ROBO2: variants seen among roughly 807,000 people sequenced by gnomAD.
The protein encoded by ROBO2 is roundabout homolog 2.
ROBO2 carries 53 observed loss-of-function variants against 160.8 expected under a neutral mutation model. The ratio of observed to expected loss-of-function variants is 0.33; its 90% CI spans 0.26 to 0.41. The LOEUF (loss-of-function observed/expected upper bound fraction) is 0.41, where lower values mean the gene tolerates loss of function less well. ROBO2 is among the 10% of genes least tolerant of loss of function. The pLI is 1.00. For synonymous variants in ROBO2, 664 were observed against 611.7 expected (o/e 1.09, Z -1.26); for missense variants, 1,577 against 1,722.4 (o/e 0.92, Z 1.49).
intron 2 of ROBO2, among the ~76,000 whole-genome samples, chr3:76,895,802 TAGA>T (rs2074722675): frequency 6.6e-6 from 1 of 152,244 alleles, no homozygotes; most frequent in African/African-American, 2.4e-5. Flanking sequence ...TTTTCTACTT[TAGA>T]ATAAGACATT....
Position 76,575,912 on chromosome 3 carries a change from A to AT in ROBO2, c.110-522094dup, listed in dbSNP as rs5850266. ...CTCATTTTGCTTAGAATATGCTATC[A>AT]TTTTTTTTAGAGTAAGGTGCTCTCA... is the stretch of plus-strand genomic sequence containing the variant. On this transcript the variant is annotated intron_variant, in intron 2 of 26. Transcript: ENST00000487694. 1.8e-3 allele frequency among the ~76,000 whole-genome samples: 266 copies of AT among 151,760 alleles called. 2 individuals are homozygous for AT. The highest frequency in any genetic ancestry group is 3.2e-3 in the Non-Finnish European group (219 of 67,902).
chr3:77,183,786 A>G (rs1405535926), intron 2 of ROBO2, among the ~76,000 whole-genome samples: 1 of 152,068 alleles, frequency 6.6e-6, no homozygotes, highest in Non-Finnish European at 1.5e-5. Context: ...TCTTGTGAAC[A>G]TCATACAGAT....
chr3:77,397,413 C>G (rs1001673779), intron 2 of ROBO2, among the ~76,000 whole-genome samples: 8 of 152,124 alleles, frequency 5.3e-5, no homozygotes, highest in Non-Finnish European at 1.0e-4. Context: ...GAAATGCATC[C>G]TCTAGAACAA....
intron 2 of ROBO2, among the ~76,000 whole-genome samples, chr3:76,940,077 G>C (rs1223583143): frequency 6.7e-6 from 1 of 148,280 alleles, no homozygotes; most frequent in Non-Finnish European, 1.5e-5. Flanking sequence ...CGCCTCCCGG[G>C]TTCACACCAT....
intron 2 of ROBO2, among the ~76,000 whole-genome samples, chr3:76,809,548 T>C (rs908336417): frequency 1.3e-5 from 2 of 152,120 alleles, no homozygotes; most frequent in Non-Finnish European, 2.9e-5. Context: ...CAATTCCACC[T>C]GGATGCAAGA....
rs1275281422 is a variant in ROBO2 at position 76,364,941 on chromosome 3, C to T, written c.109+427339C>T. Among the ~76,000 whole-genome samples, 12 of 152,010 alleles carry T rather than the reference C, an allele frequency of 7.9e-5. No homozygotes were observed. The South Asian group carries it at 1.0e-3, about 13-fold the overall frequency. On this transcript the variant is annotated intron_variant, in intron 2 of 26. Coordinates refer to the ROBO2 transcript ENST00000487694. ...CTCTCTACCTGTTTTCCTATAAATT[C>T]GCTTGGATTTATCTTTGCCCCCAAC...
chr3:76,036,587 C>T (rs1184945165), intron 2 of ROBO2, among the ~76,000 whole-genome samples: 1 of 151,932 alleles, frequency 6.6e-6, no homozygotes, highest in Non-Finnish European at 1.5e-5. Context: ...TCACCGCAAC[C>T]TCTGCCTCCC....
chr3:76,297,374 T>C (rs1576306433), intron 2 of ROBO2, among the ~76,000 whole-genome samples: 1 of 152,192 alleles, frequency 6.6e-6, no homozygotes, highest in East Asian at 1.9e-4. Flanking sequence ...GTCACACTTA[T>C]ACTAGAAGAC....
At chr3:77,642,604 A>G in intron 24 of ROBO2, 67 bp from the exon 26 acceptor site, 2 of 409,808 alleles carry the variant, frequency 4.9e-6, no homozygotes, top group Non-Finnish European at 4.8e-6. Context: ...ATTTTCTTCA[A>G]CTTGAACTAA....
chr3:76,563,670 A>T (rs867180991), intron 2 of ROBO2, among the ~76,000 whole-genome samples: 5 of 152,284 alleles, frequency 3.3e-5, no homozygotes, highest in Middle Eastern at 6.8e-3. Flanking sequence ...TTAGGACTCA[A>T]ATATGTTGAC....
intron 2 of ROBO2, among the ~76,000 whole-genome samples, chr3:77,446,568 C>T (rs2080542370): frequency 6.6e-6 from 1 of 151,936 alleles, no homozygotes; most frequent in East Asian, 1.9e-4. Flanking sequence ...CTTTTGTTTT[C>T]CTATTAAAAT....
chr3:76,688,651 C>T (rs2092735122), intron 2 of ROBO2, among the ~76,000 whole-genome samples: 1 of 151,182 alleles, frequency 6.6e-6, no homozygotes, highest in Non-Finnish European at 1.5e-5. Flanking sequence ...AAGAACAGCG[C>T]AGTCCTAGTC....
chr3:77,066,579 G>C (rs1374183470), intron 1 of ROBO2, among the ~76,000 whole-genome samples: 1 of 152,118 alleles, frequency 6.6e-6, no homozygotes, highest in African/African-American at 2.4e-5. Flanking sequence ...ATAACAATGT[G>C]AGTACAATCA....
intron 2 of ROBO2, among the ~76,000 whole-genome samples, chr3:75,960,154 G>C (rs1457044270): frequency 1.5e-4 from 22 of 151,712 alleles, no homozygotes; most frequent in Non-Finnish European, 2.1e-4. Context: ...GGGTGAGGGG[G>C]ATTAAATCAC....
chr3:77,216,833 C>G (rs978360381), intron 2 of ROBO2, among the ~76,000 whole-genome samples: 1 of 151,960 alleles, frequency 6.6e-6, no homozygotes, highest in Non-Finnish European at 1.5e-5. Context: ...TTTAGAATGC[C>G]ATATTTTTTT....
intron 2 of ROBO2, among the ~76,000 whole-genome samples, chr3:77,325,873 G>C (rs2065327534): frequency 6.6e-6 from 1 of 152,106 alleles, no homozygotes; most frequent in Non-Finnish European, 1.5e-5. Context: ...CTGGAAGATG[G>C]AAAAGCTGGG....
chr3:77,162,445 T>C (rs2078580828), intron 2 of ROBO2, among the ~76,000 whole-genome samples: 1 of 152,202 alleles, frequency 6.6e-6, no homozygotes, highest in Non-Finnish European at 1.5e-5. Flanking sequence ...AGAATTACCG[T>C]TGTCTTCTGT....
At chr3:77,484,508 A>AACAC (rs60959193) in intron 4 of ROBO2, among the ~76,000 whole-genome samples, 2,223 of 146,816 alleles carry the variant, frequency 0.015, 47 homozygotes, top group African/African-American at 0.045. Flanking sequence ...CCCCAACACA[A>AACAC]ACACACACAC....
intron 2 of ROBO2, among the ~76,000 whole-genome samples, chr3:76,684,266 G>T (rs71315354): frequency 0.033 from 5,080 of 152,166 alleles, 106 homozygotes; most frequent in Non-Finnish European, 0.054. Flanking sequence ...CCCTCAGTTG[G>T]AAGCTATAGG....
Sources: allele counts gnomAD v4.1 joint callset (sites outside exome capture counted in the v4.1 genomes callset), GRCh38; gene constraint gnomAD v4.1.1; transcripts MANE v1.5; gene names NCBI Gene and HGNC (gene_info 2026-07-23, HGNC 2026-07-21).